Variants in PCDH9 observed in about 807,000 individuals in gnomAD.
PCDH9 encodes the protein protocadherin 9.
PCDH9 carries 24 observed loss-of-function variants against 70.6 expected under a neutral mutation model. The observed-to-expected ratio is 0.34, with a 90% CI of 0.25 to 0.48. The LOEUF (loss-of-function observed/expected upper bound fraction) is 0.48, where lower values mean the gene tolerates loss of function less well. PCDH9 is among the 20% of genes least tolerant of loss of function. The pLI is 0.99. For missense variants in PCDH9, 1,281 were observed against 1,503.6 expected, an observed-to-expected ratio of 0.85 and a Z score of 2.45; for synonymous variants, 562 against 558.5, an observed-to-expected ratio of 1.01 and a Z score of -0.09.
intron 3 of PCDH9, among the ~76,000 whole-genome samples, chr13:66,663,593 T>C (rs1367277358): frequency 6.6e-6 from 1 of 152,234 alleles, no homozygotes; most frequent in Non-Finnish European, 1.5e-5. Flanking sequence ...TGTGTGTTTA[T>C]CTGCATATAT....
At chr13:66,384,298 T>C (rs542501303) in intron 4 of PCDH9, among the ~76,000 whole-genome samples, 7 of 152,260 alleles carry the variant, frequency 4.6e-5, no homozygotes, top group Non-Finnish European at 1.0e-4. Context: ...GACTGTATGA[T>C]GAAAATGTGG....
chr13:66,728,794 C>A (rs995821106), intron 3 of PCDH9, among the ~76,000 whole-genome samples: 4 of 152,008 alleles, frequency 2.6e-5, no homozygotes, highest in Non-Finnish European at 5.9e-5. Flanking sequence ...GCAGTCAATT[C>A]TTTTTGATAA....
chr13:66,810,449 T>G (rs1244003675), intron 3 of PCDH9, among the ~76,000 whole-genome samples: 2 of 152,048 alleles, frequency 1.3e-5, no homozygotes, highest in African/African-American at 4.8e-5. Flanking sequence ...AGATTCCCAG[T>G]TTCCTCATCT....
chr13:66,465,423 C>T (rs1958499045), intron 4 of PCDH9, among the ~76,000 whole-genome samples: 1 of 151,830 alleles, frequency 6.6e-6, no homozygotes, highest in Admixed American at 6.6e-5. Flanking sequence ...TAGATTACAA[C>T]TAAATTGCCA....
intron 4 of PCDH9, among the ~76,000 whole-genome samples, chr13:66,603,791 T>A (rs1381657270): frequency 6.6e-6 from 1 of 152,010 alleles, no homozygotes; most frequent in East Asian, 1.9e-4. Context: ...TTGTTCCCAT[T>A]AAGACTTTGT....
intron 2 of PCDH9, among the ~76,000 whole-genome samples, chr13:67,194,450 C>A (rs2089005236): frequency 6.6e-6 from 1 of 151,706 alleles, no homozygotes; most frequent in Non-Finnish European, 1.5e-5. Context: ...TTCTGACCAT[C>A]TCCTCAAATT....
At chr13:66,554,819 G>C (rs1961654375) in intron 4 of PCDH9, among the ~76,000 whole-genome samples, 3 of 152,008 alleles carry the variant, frequency 2.0e-5, no homozygotes. Flanking sequence ...AATGGCCTTA[G>C]AAAAAAATAA....
At chr13:66,523,389 A>T (rs1331652388) in intron 4 of PCDH9, among the ~76,000 whole-genome samples, 1 of 152,094 alleles carries the variant, frequency 6.6e-6, no homozygotes. Flanking sequence ...TCAAAGTTGA[A>T]GTAAAGAAAG....
At chr13:67,050,499 A>C (rs893725229) in intron 2 of PCDH9, among the ~76,000 whole-genome samples, 1 of 152,210 alleles carries the variant, frequency 6.6e-6, no homozygotes, top group Non-Finnish European at 1.5e-5. Context: ...GCTCATGTTA[A>C]TTAAACCTAA....
At chr13:66,551,061 G>T (rs1412218069) in intron 4 of PCDH9, among the ~76,000 whole-genome samples, 1 of 152,144 alleles carries the variant, frequency 6.6e-6, no homozygotes, top group East Asian at 1.9e-4. Flanking sequence ...CAAGTTGAGG[G>T]TGACTATAGT....
At chr13:66,789,068 C>T (rs912019017) in intron 3 of PCDH9, among the ~76,000 whole-genome samples, 2 of 152,182 alleles carry the variant, frequency 1.3e-5, no homozygotes, top group African/African-American at 2.4e-5. Context: ...CCTCAAGCAA[C>T]AGTTACAGCA....
Position 67,225,696 on chromosome 13 carries a change from T to C in PCDH9, c.2745A>G (p.Ile915Met), listed in dbSNP as rs199997470. ...GTGCCGGGCCCCAGTCAAATCTTCC[T>C]ATACTTTGCTCCTCCAGTTCAGCCG... ...SLPAELEEQSIGRFDWGPAPP... is the reference protein window; with the variant it reads ...SLPAELEEQSMGRFDWGPAPP... Residue 915 changes from isoleucine (I) to methionine (M), a missense_variant, in exon 2 of 5, where the codon ATA (isoleucine) becomes ATG (methionine). By Grantham distance (10) the Ile-to-Met change is conservative. Coordinates refer to ENST00000377865, the MANE Select transcript of PCDH9 (RefSeq NM_203487.3). 2 of 1,614,196 alleles carry C rather than the reference T, an allele frequency of 1.2e-6. No individual in the cohort carries two copies. Among genetic ancestry groups the C allele is most frequent in the Non-Finnish European group, 1.7e-6 (2 of 1,180,020 alleles).
intron 4 of PCDH9, among the ~76,000 whole-genome samples, chr13:66,389,895 C>A (rs182524876): frequency 6.6e-6 from 1 of 152,264 alleles, no homozygotes; most frequent in African/African-American, 2.4e-5. Context: ...TATACATTTT[C>A]TCCTAGAATG....
At chr13:66,724,861 G>A (rs995509691) in intron 3 of PCDH9, among the ~76,000 whole-genome samples, 2 of 152,126 alleles carry the variant, frequency 1.3e-5, no homozygotes, top group African/African-American at 2.4e-5. Context: ...ACAAGTGATG[G>A]TGGCTGACTT....
intron 2 of PCDH9, among the ~76,000 whole-genome samples, chr13:66,947,175 C>A (rs1406781550): frequency 6.6e-6 from 1 of 152,088 alleles, no homozygotes; most frequent in Non-Finnish European, 1.5e-5. Flanking sequence ...TCAGACAATT[C>A]TTTGAAATTT....
At chr13:67,068,301 T>G (rs2138146806) in intron 2 of PCDH9, among the ~76,000 whole-genome samples, 1 of 151,882 alleles carries the variant, frequency 6.6e-6, no homozygotes, top group East Asian at 1.9e-4. Flanking sequence ...TATGAAAAGT[T>G]TTTTTATTAA....
chr13:66,687,579 G>T (rs1307704254), intron 3 of PCDH9, among the ~76,000 whole-genome samples: 1 of 151,948 alleles, frequency 6.6e-6, no homozygotes, highest in South Asian at 2.1e-4. Flanking sequence ...TTACCTATTG[G>T]ATAACCATAA....
chr13:66,368,508 GA>G (rs1284819958), intron 4 of PCDH9, among the ~76,000 whole-genome samples: 2 of 150,610 alleles, frequency 1.3e-5, no homozygotes, highest in East Asian at 2.0e-4. Context: ...ACCAGTTTCT[GA>G]AAAAAAATTA....
intron 2 of PCDH9, among the ~76,000 whole-genome samples, chr13:67,106,172 A>C (rs2086537605): frequency 6.6e-6 from 1 of 152,192 alleles, no homozygotes; most frequent in Non-Finnish European, 1.5e-5. Context: ...ATCCTTGCTT[A>C]TTTCAGAATG....
Sources: gnomAD v4.1 joint callset for allele counts (sites outside exome capture counted in the v4.1 genomes callset) on GRCh38, gnomAD v4.1.1 for gene constraint, MANE v1.5 for transcripts, NCBI Gene and HGNC (gene_info 2026-07-23, HGNC 2026-07-21) for gene names.